Variants in TMEM67 observed in about 807,000 individuals in gnomAD.
TMEM67 encodes the protein transmembrane protein 67, also known as meckelin.
In TMEM67, 124 loss-of-function variants were observed where a neutral mutation model predicts 136.6. The ratio of observed to expected loss-of-function variants is 0.91; its 90% confidence interval spans 0.78 to 1.05. The LOEUF is 1.05. Ranked by LOEUF, TMEM67 falls within the 50% of genes least tolerant of loss-of-function variation. TMEM67 has a pLI of 0.00. For missense variants in TMEM67, 1,107 were observed against 1,178.4 expected (o/e 0.94, Z 0.89); for synonymous variants, 364 against 390.5 (o/e 0.93, Z 0.80).
intron 18 of TMEM67, among the ~76,000 whole-genome samples, chr8:93,796,259 A>G (rs898800229): frequency 6.6e-6 from 1 of 152,188 alleles, no homozygotes; most frequent in Admixed American, 6.5e-5. Context: ...TTAAAGTCTG[A>G]TGATACATTC....
chr8:93,786,300 G>A lies in TMEM67; in HGVS notation c.1366G>A (p.Gly456Arg). 6.2e-7 allele frequency: 1 copy of A among 1,614,040 alleles called. No individual in the cohort carries two copies. The highest frequency in any genetic ancestry group is 1.1e-5 in the South Asian group (1 of 91,076). ...DAVSGRENDLGTQPRVIRVAT... is the reference protein window; with the variant it reads ...DAVSGRENDLRTQPRVIRVAT... ...AGTAAGTGGACGAGAAAATGACTTA[G>A]GAACTCAGCCAAGAGTAATTCGAGT... is the stretch of plus-strand genomic sequence containing the variant. Residue 456 changes from glycine (G) to arginine (R), a missense_variant, in exon 13 of 28, where the codon GGA (glycine) becomes AGA (arginine). By Grantham distance (125) the Gly-to-Arg change is moderately radical (BLOSUM62 -2). Around this residue, in one of 3 missense-constraint regions of TMEM67, gnomAD observed 925 missense variants for 1,002.4 expected, o/e 0.92. Coordinates refer to ENST00000453321, the MANE Select transcript of TMEM67 (RefSeq NM_153704.6).
At chr8:93,819,036 C>A (rs1004556210), downstream of TMEM67, 3 of 446,054 alleles carry the variant, frequency 6.7e-6, no homozygotes, top group Non-Finnish European at 1.3e-5. Context: ...AACTCCTGAT[C>A]GAGAGATTCA....
At chr8:93,802,146 G>A (rs1413556032) in intron 21 of TMEM67, among the ~76,000 whole-genome samples, 1 of 152,166 alleles carries the variant, frequency 6.6e-6, no homozygotes, top group Non-Finnish European at 1.5e-5. Flanking sequence ...GGGCTGGAGT[G>A]GAATGGTGGC....
chr8:93,768,135 G>A (rs1289764233), intron 6 of TMEM67, among the ~76,000 whole-genome samples: 1 of 151,844 alleles, frequency 6.6e-6, no homozygotes, highest in Non-Finnish European at 1.5e-5. Context: ...CAAAGTGCTG[G>A]GATTACAGGC....
chr8:93,808,330 AGAT>A (rs1372074269), intron 23 of TMEM67, among the ~76,000 whole-genome samples: 2 of 140,770 alleles, frequency 1.4e-5, no homozygotes, highest in African/African-American at 5.2e-5. Context: ...AATAAATTAT[AGAT>A]AATAAATATA....
At chr8:93,790,847 TTCTCTTG>T (rs1814344608) in intron 14 of TMEM67, among the ~76,000 whole-genome samples, 1 of 152,220 alleles carries the variant, frequency 6.6e-6, no homozygotes, top group African/African-American at 2.4e-5. Context: ...AGGTTCTTCT[TTCTCTTG>T]TCTCTTAATG....
chr8:93,797,544 A>G, intron 20 of TMEM67, 74 bp downstream of exon 20: 4 of 1,427,992 alleles, frequency 2.8e-6, no homozygotes, highest in Non-Finnish European at 3.9e-6. Flanking sequence ...AATTCCAACT[A>G]AGTTTTCATG....
chr8:93,816,382 A>G lies in TMEM67; in HGVS notation c.2918A>G (p.Tyr973Cys). The change falls in exon 28 of 28, where the codon TAT becomes TGT. Residue 973 changes from tyrosine (Y) to cysteine (C), a missense_variant. This residue lies in a region of TMEM67 where 925 missense variants were observed against 1,002.4 expected (regional missense o/e 0.92). Coordinates refer to ENST00000453321, the MANE Select transcript of TMEM67 (RefSeq NM_153704.6). ...LTYLQQEIFRYIRNTVGQKNL... is the reference protein window; with the variant it reads ...LTYLQQEIFRCIRNTVGQKNL... ...GTTTTAATTTTCCAGATTTTTAGAT[A>G]TATCCGTAATACAGTAGGACAAAAG... 6.5e-7 allele frequency: 1 copy of G among 1,540,742 alleles called. No individual in the cohort carries two copies. The highest frequency in any genetic ancestry group is 8.9e-7 in the Non-Finnish European group (1 of 1,123,992).
At chr8:93,772,853 G>A (rs578200969) in intron 7 of TMEM67, among the ~76,000 whole-genome samples, 38 of 152,258 alleles carry the variant, frequency 2.5e-4, no homozygotes, top group Middle Eastern at 3.4e-3. Context: ...ATGTCTCCAA[G>A]CTTTTTTAGC....
intron 17 of TMEM67, 139 bp from the exon 18 acceptor site, chr8:93,795,762 A>G (rs999254278): frequency 2.5e-5 from 17 of 692,716 alleles, no homozygotes; most frequent in Non-Finnish European, 4.2e-5. Flanking sequence ...GGATCCTGTG[A>G]GTCCAGAATC....
Position 93,754,941 on chromosome 8 carries a change from G to T in TMEM67, c.27G>T (p.Val9=). 2 of 1,614,042 alleles carry T rather than the reference G, an allele frequency of 1.2e-6. No individual in the cohort carries two copies. The highest frequency in any genetic ancestry group is 1.7e-6 in the Non-Finnish European group (2 of 1,180,022). The change falls in exon 1 of 28, where the codon GTG becomes GTT. Residue 9 remains valine, a synonymous_variant. Coordinates refer to ENST00000453321, the MANE Select transcript of TMEM67 (RefSeq NM_153704.6). The part of the protein sequence containing the change: MATRGGAG[V]AMAVWSLLSA... ...TGGCGACGCGCGGTGGGGCTGGGGT[G>T]GCAATGGCGGTTTGGTCCCTCTTAT...
intron 7 of TMEM67, among the ~76,000 whole-genome samples, chr8:93,777,136 T>C (rs2130644950): frequency 6.6e-6 from 1 of 152,266 alleles, no homozygotes. Flanking sequence ...AGTTTATTTG[T>C]ATAGAGGTGT....
At chr8:93,767,500 C>T (rs761695491) in intron 6 of TMEM67, among the ~76,000 whole-genome samples, 3 of 152,186 alleles carry the variant, frequency 2.0e-5, no homozygotes, top group Non-Finnish European at 4.4e-5. Context: ...GGATTTCCAT[C>T]CACATTTGAT....
chr8:93,771,133 A>G (rs1813313379), intron 6 of TMEM67, among the ~76,000 whole-genome samples: 1 of 152,172 alleles, frequency 6.6e-6, no homozygotes, highest in Non-Finnish European at 1.5e-5. Context: ...TTTAGCAATT[A>G]ATGAATCTTG....
Position 93,763,953 on chromosome 8 carries a change from G to C in TMEM67, c.506+12G>C. ...GCTTTAGGAGACAGGTAAGCAGTGTGATGGGGGCTAACTTCATTAATATCA... is the reference window on the plus strand; with the variant it reads ...GCTTTAGGAGACAGGTAAGCAGTGTCATGGGGGCTAACTTCATTAATATCA... On this transcript the variant is annotated intron_variant, in intron 4 of 27. Transcript: ENST00000453321. 1 of 1,511,308 alleles carries C rather than the reference G, an allele frequency of 6.6e-7. No individual in the cohort carries two copies. The highest frequency in any genetic ancestry group is 9.2e-7 in the Non-Finnish European group (1 of 1,086,688). The allele number at this position is 1,511,308 out of a possible 1,614,324, so 93.6% of individuals were successfully genotyped here.
chr8:93,786,104 T>A, intron 12 of TMEM67, 119 bp from the exon 13 acceptor site: 1 of 925,330 alleles, frequency 1.1e-6, no homozygotes, highest in South Asian at 1.4e-5. Flanking sequence ...TCACATGAGT[T>A]AGAGAACGCC....
chr8:93,816,149 T>G (rs904886935), intron 27 of TMEM67, among the ~76,000 whole-genome samples: 1 of 152,222 alleles, frequency 6.6e-6, no homozygotes, highest in African/African-American at 2.4e-5. Context: ...TGAGAGAATT[T>G]GTATTATTAA....
the TMEM67 span, among the ~76,000 whole-genome samples, chr8:93,825,840 C>A: frequency 2.0e-5 from 3 of 152,164 alleles, no homozygotes; most frequent in Admixed American, 1.3e-4. Flanking sequence ...GGGGGAGGGA[C>A]AGACCACATG....
chr8:93,814,217 G>A (rs1318377795), intron 26 of TMEM67, among the ~76,000 whole-genome samples: 1 of 134,040 alleles, frequency 7.5e-6, no homozygotes, highest in African/African-American at 2.9e-5. Flanking sequence ...TCGGCTCACT[G>A]CAAGCTCCGC....
Sources: allele counts gnomAD v4.1 joint callset (sites outside exome capture counted in the v4.1 genomes callset), GRCh38; gene constraint gnomAD v4.1.1; regional missense constraint gnomAD v4.1.1; transcripts MANE v1.5; gene names NCBI Gene and HGNC (gene_info 2026-07-23, HGNC 2026-07-21).